Variants in SHB observed in about 807,000 individuals in gnomAD.
SHB encodes the protein SH2 domain-containing adapter protein B.
In SHB, 20 loss-of-function variants were observed where a neutral mutation model predicts 52.3. That is an observed-to-expected ratio of 0.38 (90% CI 0.27 to 0.56). SHB has a LOEUF of 0.56. Among genes scored for constraint, SHB ranks in the 20% least tolerant of loss-of-function variants. SHB has a pLI of 0.71. For synonymous variants in SHB, 397 were observed against 316.5 expected (o/e 1.25, Z -2.70); for missense variants, 825 against 723.3 (o/e 1.14, Z -1.61).
intron 1 of SHB, among the ~76,000 whole-genome samples, chr9:38,063,676 C>G (rs1470967891): frequency 6.6e-6 from 1 of 152,166 alleles, no homozygotes; most frequent in Non-Finnish European, 1.5e-5. Flanking sequence ...CTGACTAGAC[C>G]GGGAGAAGCT....
At chr9:37,925,437 G>C (rs980031379) in intron 5 of SHB, among the ~76,000 whole-genome samples, 2 of 152,226 alleles carry the variant, frequency 1.3e-5, no homozygotes, top group Non-Finnish European at 2.9e-5. Flanking sequence ...TTTCAAATCA[G>C]AAAGTCTCCC....
At chr9:38,057,435 A>T (rs1564112478) in intron 1 of SHB, among the ~76,000 whole-genome samples, 1 of 152,200 alleles carries the variant, frequency 6.6e-6, no homozygotes, top group Non-Finnish European at 1.5e-5. Flanking sequence ...TTCTATACCA[A>T]ACTTGTCTTA....
At chr9:37,934,366 T>C (rs752167123) in intron 5 of SHB, among the ~76,000 whole-genome samples, 1 of 152,224 alleles carries the variant, frequency 6.6e-6, no homozygotes, top group Non-Finnish European at 1.5e-5. Flanking sequence ...GGCACATTCA[T>C]AACTCACTGT....
At chr9:37,975,110 A>G (rs1203740975) in intron 2 of SHB, among the ~76,000 whole-genome samples, 2 of 152,198 alleles carry the variant, frequency 1.3e-5, no homozygotes, top group African/African-American at 4.8e-5. Context: ...TAAGAGGCAG[A>G]GCCCAGATGT....
intron 5 of SHB, among the ~76,000 whole-genome samples, chr9:37,935,883 C>T (rs1274078009): frequency 1.3e-5 from 2 of 151,786 alleles, no homozygotes; most frequent in African/African-American, 4.9e-5. Flanking sequence ...AATGCGTTTC[C>T]TAACTCCATA....
At chr9:38,042,380 T>C (rs2118144188) in intron 1 of SHB, among the ~76,000 whole-genome samples, 1 of 152,310 alleles carries the variant, frequency 6.6e-6, no homozygotes, top group South Asian at 2.1e-4. Flanking sequence ...TGAGGAGCAG[T>C]GTTGTGCGTA....
rs1313047032 is a variant in SHB at position 37,955,986 on chromosome 9, G to A, written c.1123C>T (p.Arg375Cys). Residue 375 changes from arginine (R) to cysteine (C), a missense_variant, in exon 4 of 6, where the codon CGT becomes TGT. By Grantham distance (180) the Arg-to-Cys change is radical. Transcript: ENST00000377707. ...GGCTTAAAGCCCCCTCCAGGGGCACGAAGCTGGCGCCGCCGGTCCCGCGAA... is the reference window on the plus strand; with the variant it reads ...GGCTTAAAGCCCCCTCCAGGGGCACAAAGCTGGCGCCGCCGGTCCCGCGAA... ...SPSRDRRRQL[R>C]APGGGFKPIK... 7.5e-6 allele frequency: 12 copies of A among 1,602,142 alleles called. No individual in the cohort carries two copies. The highest frequency in any genetic ancestry group is 3.5e-5 in the Admixed American group (2 of 57,526).
At chr9:38,061,227 G>A (rs1225521440) in intron 1 of SHB, among the ~76,000 whole-genome samples, 2 of 151,430 alleles carry the variant, frequency 1.3e-5, no homozygotes, top group African/African-American at 2.4e-5. Context: ...TGGGAGAATC[G>A]CCTGAGCCTG....
At chr9:37,978,327 T>C (rs1820678606) in intron 2 of SHB, among the ~76,000 whole-genome samples, 2 of 152,206 alleles carry the variant, frequency 1.3e-5, no homozygotes, top group Non-Finnish European at 1.5e-5. Context: ...GGCATGCAGT[T>C]AGGGCAGGGG....
chr9:38,049,922 A>G lies in SHB; in HGVS notation c.717+18007T>C, dbSNP rs377705301. Among the ~76,000 whole-genome samples the G allele has an allele frequency of 2.9e-4, 44 of 151,416 alleles. 1 individual carries two copies. In the South Asian group the frequency reaches 9.0e-3, roughly 31 times the overall value. On this transcript the variant is annotated intron_variant, in intron 1 of 5. Coordinates refer to ENST00000377707, the MANE Select transcript of SHB (RefSeq NM_003028.3). The stretch of plus-strand genomic sequence containing the variant: ...TCAAGTGATTCTCCTGCCTCAACCT[A>G]CCAAGTAGCTGGGATTACAGGCATG...
chr9:37,986,208 G>C (rs1220198458), intron 2 of SHB, among the ~76,000 whole-genome samples: 2 of 152,210 alleles, frequency 1.3e-5, no homozygotes, highest in Admixed American at 1.3e-4. Context: ...ACAGCGAGGA[G>C]TGGGCCCAGG....
intron 2 of SHB, among the ~76,000 whole-genome samples, chr9:37,985,340 G>C (rs574171439): frequency 1.3e-5 from 2 of 152,274 alleles, no homozygotes; most frequent in African/African-American, 4.8e-5. Flanking sequence ...TACTCGAAGA[G>C]AGACAAAGCC....
chr9:37,955,182 T>C (rs1262063484), intron 4 of SHB, among the ~76,000 whole-genome samples: 1 of 152,222 alleles, frequency 6.6e-6, no homozygotes, highest in Non-Finnish European at 1.5e-5. Flanking sequence ...ATTTAGTTTT[T>C]CCAAGGACTT....
chr9:38,034,869 G>GT (rs1821462973), intron 1 of SHB, among the ~76,000 whole-genome samples: 1 of 152,172 alleles, frequency 6.6e-6, no homozygotes, highest in Admixed American at 6.5e-5. Context: ...GCTATTTTTT[G>GT]TATTTTTAGC....
chr9:37,948,708 G>A lies in SHB; in HGVS notation c.1273C>T (p.Arg425Ter), dbSNP rs1277834244. ...ISRGDAENLL[R>*]LCKECSYLVR... is the part of the protein sequence containing the mutation. ...AGGTAGCTACACTCCTTGCAGAGTC[G>A]CAGCAGGTTCTCGGCGTCTCCTCTG... Residue 425 changes from arginine to a stop codon, truncating the protein, a stop_gained, in exon 5 of 6, where the codon CGA becomes TGA. Transcript: ENST00000377707. LOFTEE classifies it high-confidence loss of function. 3 of 1,613,946 alleles carry A rather than the reference G, an allele frequency of 1.9e-6. No homozygotes were observed. The highest frequency in any genetic ancestry group is 1.7e-6 in the Non-Finnish European group (2 of 1,180,008).
intron 2 of SHB, among the ~76,000 whole-genome samples, chr9:38,002,755 A>G (rs1359258424): frequency 1.3e-5 from 2 of 152,222 alleles, no homozygotes; most frequent in Non-Finnish European, 2.9e-5. Flanking sequence ...CAGTTCAGTT[A>G]AAAAGTGAGC....
At chr9:38,036,333 G>A (rs185034527) in intron 1 of SHB, among the ~76,000 whole-genome samples, 40 of 152,298 alleles carry the variant, frequency 2.6e-4, no homozygotes, top group Non-Finnish European at 5.1e-4. Flanking sequence ...ATTGCTAACA[G>A]TTTATTAGCA....
chr9:37,996,450 G>C (rs566151631), intron 2 of SHB, among the ~76,000 whole-genome samples: 1 of 152,352 alleles, frequency 6.6e-6, no homozygotes, highest in Non-Finnish European at 1.5e-5. Context: ...TACGTGTGCA[G>C]AATTCTGTGA....
At chr9:37,940,562 C>A (rs541308659) in intron 5 of SHB, among the ~76,000 whole-genome samples, 39 of 152,266 alleles carry the variant, frequency 2.6e-4, no homozygotes, top group Middle Eastern at 6.8e-3. Flanking sequence ...ATCCTCCATG[C>A]GATAAGAGCA....
Sources: allele counts gnomAD v4.1 joint callset (sites outside exome capture counted in the v4.1 genomes callset), GRCh38; gene constraint gnomAD v4.1.1; transcripts MANE v1.5; gene names NCBI Gene and HGNC (gene_info 2026-07-23, HGNC 2026-07-21).